The following UBE2G1 variants were observed in gnomAD, a reference collection of about 807,000 sequenced individuals.
UBE2G1 encodes ubiquitin conjugating enzyme E2 G1, also known as ubiquitin-conjugating enzyme E2 G1.
UBE2G1 carries 5 observed loss-of-function variants against 22.7 expected under a neutral mutation model. That is an observed-to-expected ratio of 0.22 (90% CI 0.12 to 0.46). The LOEUF (loss-of-function observed/expected upper bound fraction) is 0.46. Among genes scored for constraint, UBE2G1 ranks in the 20% least tolerant of loss-of-function variants. The pLI, the probability that UBE2G1 is intolerant of heterozygous loss-of-function variation, is 0.99. For missense variants in UBE2G1, 88 were observed against 203.9 expected (o/e 0.43, Z 3.46); for synonymous variants, 74 against 67.5 (o/e 1.10, Z -0.47).
At chr17:4,341,809 CAA>C (rs1245957806) in intron 1 of UBE2G1, among the ~76,000 whole-genome samples, 7 of 152,158 alleles carry the variant, frequency 4.6e-5, no homozygotes, top group Non-Finnish European at 1.0e-4. Flanking sequence ...TTATCTTACC[CAA>C]ACTCTTTTTT....
chr17:4,302,255 A>G (rs559600248), intron 2 of UBE2G1: 35 of 468,604 alleles, frequency 7.5e-5, no homozygotes, highest in Middle Eastern at 9.3e-4. Context: ...CCCACACCCC[A>G]GTATTTGGGC....
intron 1 of UBE2G1, among the ~76,000 whole-genome samples, chr17:4,307,694 T>C (rs1178111748): frequency 6.6e-6 from 1 of 152,192 alleles, no homozygotes; most frequent in Non-Finnish European, 1.5e-5. Flanking sequence ...ATATGTCTTG[T>C]CTGTATATGT....
intron 4 of UBE2G1, among the ~76,000 whole-genome samples, chr17:4,287,348 C>T (rs1169791678): frequency 3.3e-5 from 5 of 151,324 alleles, no homozygotes; most frequent in Non-Finnish European, 4.4e-5. Flanking sequence ...GTGATCTGCC[C>T]ACCTCGGCCT....
chr17:4,330,595 G>C (rs747440991), intron 1 of UBE2G1, among the ~76,000 whole-genome samples: 1 of 151,422 alleles, frequency 6.6e-6, no homozygotes, highest in African/African-American at 2.4e-5. Flanking sequence ...AAATTAGCCA[G>C]GCATGGTGGC....
At chr17:4,348,584 C>T (rs533649617) in intron 1 of UBE2G1, among the ~76,000 whole-genome samples, 121 of 145,748 alleles carry the variant, frequency 8.3e-4, no homozygotes, top group Middle Eastern at 4.1e-3. Context: ...AAAGAACAGG[C>T]CGGGGGCAAT....
intron 1 of UBE2G1, among the ~76,000 whole-genome samples, chr17:4,362,952 G>A (rs574043533): frequency 6.5e-4 from 99 of 152,170 alleles, no homozygotes; most frequent in African/African-American, 2.3e-3. Flanking sequence ...GTGAAACCCT[G>A]TCTCTACTAA....
At chr17:4,346,724 G>A (rs899592513) in intron 1 of UBE2G1, among the ~76,000 whole-genome samples, 6 of 151,432 alleles carry the variant, frequency 4.0e-5, no homozygotes, top group Admixed American at 1.3e-4. Context: ...GTGAGCCACC[G>A]CGTCCAGCTC....
chr17:4,304,828 G>GT (rs1388866319), intron 2 of UBE2G1, among the ~76,000 whole-genome samples: 4 of 151,960 alleles, frequency 2.6e-5, no homozygotes, highest in African/African-American at 9.7e-5. Flanking sequence ...TTATTTAAAC[G>GT]TAAGGTGTAT....
intron 5 of UBE2G1, among the ~76,000 whole-genome samples, chr17:4,272,885 C>T (rs1472517116): frequency 3.9e-5 from 6 of 152,256 alleles, no homozygotes; most frequent in South Asian, 4.1e-4. Context: ...TGTCTTTCAA[C>T]TTATATTAAA....
At chr17:4,299,775 C>A (rs1969152314) in intron 2 of UBE2G1, among the ~76,000 whole-genome samples, 1 of 151,256 alleles carries the variant, frequency 6.6e-6, no homozygotes. Context: ...CCCTCTTCTT[C>A]TATTTTACCT....
intron 1 of UBE2G1, among the ~76,000 whole-genome samples, chr17:4,320,353 T>C (rs755438786): frequency 6.6e-6 from 1 of 152,246 alleles, no homozygotes; most frequent in Non-Finnish European, 1.5e-5. Context: ...CTCTCAACTT[T>C]AGGACTCTTT....
At chr17:4,359,980 T>A (rs1227096520) in intron 1 of UBE2G1, among the ~76,000 whole-genome samples, 1 of 152,170 alleles carries the variant, frequency 6.6e-6, no homozygotes, top group Non-Finnish European at 1.5e-5. Context: ...TTCCTGAAAC[T>A]ACATTTTATT....
chr17:4,310,524 G>A (rs1969297749), intron 1 of UBE2G1, among the ~76,000 whole-genome samples: 1 of 152,202 alleles, frequency 6.6e-6, no homozygotes, highest in Non-Finnish European at 1.5e-5. Context: ...ATCAGTATGT[G>A]ACTGGAACGG....
At chr17:4,319,453 C>T (rs1349670340) in intron 1 of UBE2G1, among the ~76,000 whole-genome samples, 4 of 152,060 alleles carry the variant, frequency 2.6e-5, no homozygotes, top group African/African-American at 9.7e-5. Flanking sequence ...ATGAGAAATG[C>T]AGCCAGGCAT....
chr17:4,289,439 A>G (rs755787322), intron 3 of UBE2G1, 31 bp from the exon 4 acceptor site: 3 of 1,474,402 alleles, frequency 2.0e-6, no homozygotes, highest in Non-Finnish European at 1.8e-6. Flanking sequence ...CTTGTTTCAT[A>G]TATTACTAAT....
At chr17:4,345,666 G>C (rs1969759561) in intron 1 of UBE2G1, 3 of 152,128 alleles carry the variant, frequency 2.0e-5, no homozygotes, top group Admixed American at 2.0e-4. Context: ...AGAGATATCT[G>C]GTACTCCATT....
At chr17:4,274,482 C>T (rs1968799047) in intron 5 of UBE2G1, among the ~76,000 whole-genome samples, 1 of 152,152 alleles carries the variant, frequency 6.6e-6, no homozygotes, top group South Asian at 2.1e-4. Flanking sequence ...GAGGCGTGAG[C>T]CACCACGCCT....
chr17:4,342,567 C>T (rs1969723472), intron 1 of UBE2G1, among the ~76,000 whole-genome samples: 1 of 152,144 alleles, frequency 6.6e-6, no homozygotes, highest in Admixed American at 6.6e-5. Context: ...GGCAACAAAT[C>T]GAGATCCTGC....
At chr17:4,325,535 G>A (rs1370218311) in intron 1 of UBE2G1, among the ~76,000 whole-genome samples, 1 of 152,116 alleles carries the variant, frequency 6.6e-6, no homozygotes, top group African/African-American at 2.4e-5. Flanking sequence ...CTAAACAACT[G>A]AATCTTTTCC....
Sources: allele counts gnomAD v4.1 joint callset (sites outside exome capture counted in the v4.1 genomes callset), GRCh38; gene constraint gnomAD v4.1.1; transcripts MANE v1.5; gene names NCBI Gene and HGNC (gene_info 2026-07-23, HGNC 2026-07-21).